Variants in TRAPPC9 observed in about 807,000 individuals in gnomAD.
TRAPPC9 encodes the protein IKK2 binding protein.
TRAPPC9 carries 83 observed loss-of-function variants against 124.0 expected under a neutral mutation model. The ratio of observed to expected loss-of-function variants is 0.67; its 90% CI spans 0.56 to 0.80. TRAPPC9 has a LOEUF of 0.80. Among genes scored for constraint, TRAPPC9 ranks in the 30% least tolerant of loss-of-function variants. The pLI is 0.00. For missense variants in TRAPPC9, 1,302 were observed against 1,508.3 expected, an observed-to-expected ratio of 0.86 and a Z score of 2.27; for synonymous variants, 638 against 617.5, an observed-to-expected ratio of 1.03 and a Z score of -0.49.
chr8:140,417,592 A>T (rs926287017), intron 5 of TRAPPC9, among the ~76,000 whole-genome samples: 37 of 152,230 alleles, frequency 2.4e-4, no homozygotes, highest in African/African-American at 8.4e-4. Context: ...GAGAAATAGG[A>T]ATGCCTTTAT....
At chr8:140,111,673 G>A (rs1251833944) in intron 17 of TRAPPC9, among the ~76,000 whole-genome samples, 2 of 152,228 alleles carry the variant, frequency 1.3e-5, no homozygotes, top group Non-Finnish European at 2.9e-5. Flanking sequence ...CCCAATGTGT[G>A]TATGAGGACA....
intron 18 of TRAPPC9, among the ~76,000 whole-genome samples, chr8:140,021,381 T>G (rs28581907): frequency 0.16 from 24,437 of 152,224 alleles, 2,066 homozygotes; most frequent in African/African-American, 0.22. Context: ...TCCCACCCAT[T>G]CTTTGTGCCA....
chr8:139,731,205 G>A lies in TRAPPC9; in HGVS notation c.3303C>T (p.Ala1101=). The part of the protein sequence containing the change: ...LDAVQPSGQS[A]CLGALLFLYT... ...AGAGGAAGAGGAGGGCCCCGAGGCA[G>A]GCCGACTGGCCGGACGGCTGCACCT... Residue 1101 remains alanine, a synonymous_variant, in exon 23 of 23, where the codon GCC becomes GCT. Coordinates refer to ENST00000438773, the MANE Select transcript of TRAPPC9 (RefSeq NM_001160372.4). 2 of 1,613,550 alleles carry A rather than the reference G, an allele frequency of 1.2e-6. No homozygotes were observed. Among genetic ancestry groups the A allele is most frequent in the Non-Finnish European group, 8.5e-7 (1 of 1,179,914 alleles).
chr8:139,884,512 T>G (rs1242141334), intron 21 of TRAPPC9, among the ~76,000 whole-genome samples: 2 of 152,182 alleles, frequency 1.3e-5, no homozygotes, highest in Non-Finnish European at 2.9e-5. Context: ...AAGTCCTGCA[T>G]AGCTACCTGG....
At chr8:140,227,942 C>T (rs2063493317) in intron 16 of TRAPPC9, among the ~76,000 whole-genome samples, 1 of 152,196 alleles carries the variant, frequency 6.6e-6, no homozygotes, top group Non-Finnish European at 1.5e-5. Context: ...GCAAAACTGA[C>T]CCAAGGAATA....
chr8:140,326,314 C>T (rs1339556264), intron 9 of TRAPPC9, among the ~76,000 whole-genome samples: 1 of 152,024 alleles, frequency 6.6e-6, no homozygotes, highest in Non-Finnish European at 1.5e-5. Context: ...GGGAACCTTC[C>T]CTGGTGACTC....
At chr8:140,125,940 G>A (rs2061088156) in intron 17 of TRAPPC9, among the ~76,000 whole-genome samples, 1 of 151,922 alleles carries the variant, frequency 6.6e-6, no homozygotes, top group African/African-American at 2.4e-5. Context: ...TCTCTCTCTT[G>A]GTTTGAAAGT....
chr8:140,341,012 AG>A (rs1465867777), intron 9 of TRAPPC9, among the ~76,000 whole-genome samples: 1 of 152,186 alleles, frequency 6.6e-6, no homozygotes, highest in Admixed American at 6.5e-5. Flanking sequence ...ATGACAGCAC[AG>A]GAAGATAGGT....
At chr8:139,895,589 A>C (rs1830619251) in intron 20 of TRAPPC9, among the ~76,000 whole-genome samples, 1 of 152,204 alleles carries the variant, frequency 6.6e-6, no homozygotes, top group Non-Finnish European at 1.5e-5. Flanking sequence ...AAAAGTAAAC[A>C]ATAATGTGCC....
chr8:140,099,131 A>AGCTGCAGGAGTGCCGCAG (rs2060518386), intron 17 of TRAPPC9: 1 of 151,852 alleles, frequency 6.6e-6, no homozygotes, highest in Non-Finnish European at 1.5e-5. Context: ...CTCAGTGCGC[A>AGCTGCAGGAGTGCCGCAG]GCTGCAGGAG....
At chr8:139,861,947 GT>G (rs1828192300) in intron 21 of TRAPPC9, among the ~76,000 whole-genome samples, 1 of 152,026 alleles carries the variant, frequency 6.6e-6, no homozygotes, top group Admixed American at 6.5e-5. Flanking sequence ...TTGTGTCCAC[GT>G]GTTTTTATCA....
intron 20 of TRAPPC9, among the ~76,000 whole-genome samples, chr8:139,887,593 TC>T (rs771839089): frequency 7.2e-5 from 11 of 152,260 alleles, no homozygotes; most frequent in African/African-American, 2.6e-4. Flanking sequence ...ATTCCAAGCC[TC>T]CCCTCCCACA....
chr8:140,274,840 C>T (rs2065063298), intron 15 of TRAPPC9, among the ~76,000 whole-genome samples: 1 of 152,154 alleles, frequency 6.6e-6, no homozygotes, highest in East Asian at 1.9e-4. Flanking sequence ...TAACCAGAAC[C>T]AGTCAAACTC....
At chr8:139,796,130 GGAGAAGGAGGAGGAAGAGGAGGAGGAA>G (rs1823069531) in intron 21 of TRAPPC9, among the ~76,000 whole-genome samples, 1 of 150,760 alleles carries the variant, frequency 6.6e-6, no homozygotes, top group Non-Finnish European at 1.5e-5. Flanking sequence ...AGGAGGAAGA[GGAGAAGGAGGAGGAAGAGGAGGAGGAA>G]GAGGAGGAGG....
At chr8:139,946,573 G>A (rs1834232588) in intron 19 of TRAPPC9, among the ~76,000 whole-genome samples, 1 of 152,010 alleles carries the variant, frequency 6.6e-6, no homozygotes, top group African/African-American at 2.4e-5. Context: ...ATTTAGCAAG[G>A]TATGCCAGTG....
chr8:140,030,640 T>C (rs1840441975), intron 17 of TRAPPC9, among the ~76,000 whole-genome samples: 2 of 152,170 alleles, frequency 1.3e-5, no homozygotes, highest in African/African-American at 2.4e-5. Flanking sequence ...AATAAACAAA[T>C]TGTAGTAAAT....
chr8:139,859,003 G>A (rs143328868), intron 21 of TRAPPC9, among the ~76,000 whole-genome samples: 24 of 150,758 alleles, frequency 1.6e-4, no homozygotes, highest in Non-Finnish European at 4.4e-5. Flanking sequence ...GAGATGTCAC[G>A]TCTTCATGGG....
chr8:140,295,347 A>G (rs1393793209), intron 11 of TRAPPC9, among the ~76,000 whole-genome samples: 2 of 152,234 alleles, frequency 1.3e-5, no homozygotes, highest in Non-Finnish European at 2.9e-5. Flanking sequence ...TTCTGCAGAT[A>G]GCATGACTGC....
At chr8:140,362,473 T>G (rs758420215) in intron 8 of TRAPPC9, among the ~76,000 whole-genome samples, 1 of 152,166 alleles carries the variant, frequency 6.6e-6, no homozygotes, top group South Asian at 2.1e-4. Flanking sequence ...ATATTTAAAG[T>G]ATTTCTCCAT....
Sources: allele counts gnomAD v4.1 joint callset (sites outside exome capture counted in the v4.1 genomes callset), GRCh38; gene constraint gnomAD v4.1.1; transcripts MANE v1.5; gene names NCBI Gene and HGNC (gene_info 2026-07-23, HGNC 2026-07-21).